ROBO2: variants seen among roughly 807,000 people sequenced by gnomAD.
ROBO2 encodes the protein roundabout homolog 2.
In ROBO2, 53 loss-of-function variants were observed where a neutral mutation model predicts 160.8. That is an observed-to-expected ratio of 0.33 (90% CI 0.26 to 0.41). ROBO2 has a LOEUF of 0.41. ROBO2 is among the 10% of genes least tolerant of loss of function. The pLI, the probability that ROBO2 is intolerant of heterozygous loss-of-function variation, is 1.00. For synonymous variants in ROBO2, 664 were observed against 611.7 expected (o/e 1.09, Z -1.26); for missense variants, 1,577 against 1,722.4 (o/e 0.92, Z 1.49).
chr3:77,556,430 T>G (rs189819381), intron 8 of ROBO2, among the ~76,000 whole-genome samples: 1 of 152,014 alleles, frequency 6.6e-6, no homozygotes, highest in African/African-American at 2.4e-5. Context: ...AAAATAGGTT[T>G]AGGTTGACTA....
chr3:76,943,745 C>G (rs1337171528), intron 2 of ROBO2, among the ~76,000 whole-genome samples: 1 of 151,942 alleles, frequency 6.6e-6, no homozygotes, highest in Non-Finnish European at 1.5e-5. Context: ...AGTTGTTTAA[C>G]CAAGGTTTAG....
chr3:76,163,347 T>TA (rs957048781), intron 2 of ROBO2, among the ~76,000 whole-genome samples: 1 of 151,748 alleles, frequency 6.6e-6, no homozygotes, highest in African/African-American at 2.4e-5. Context: ...GGAGATTTTC[T>TA]AATACTGAGA....
chr3:76,683,901 AAG>A (rs1198518625), intron 2 of ROBO2, among the ~76,000 whole-genome samples: 1 of 152,120 alleles, frequency 6.6e-6, no homozygotes, highest in African/African-American at 2.4e-5. Context: ...AAGTTTAAAA[AAG>A]AAATAAAAAG....
chr3:77,061,059 C>G (rs2066250844), intron 1 of ROBO2, among the ~76,000 whole-genome samples: 1 of 152,098 alleles, frequency 6.6e-6, no homozygotes, highest in African/African-American at 2.4e-5. Context: ...CCTCAGACTC[C>G]TGAGTAGCTG....
chr3:77,403,765 G>T (rs1030132822), intron 2 of ROBO2, among the ~76,000 whole-genome samples: 1 of 151,974 alleles, frequency 6.6e-6, no homozygotes, highest in Non-Finnish European at 1.5e-5. Flanking sequence ...TATATACCCA[G>T]TCATGGGATT....
intron 2 of ROBO2, among the ~76,000 whole-genome samples, chr3:77,123,908 T>C (rs1165906173): frequency 1.4e-5 from 2 of 140,906 alleles, no homozygotes; most frequent in Admixed American, 1.4e-4. Flanking sequence ...TCTATGTAGA[T>C]AGATATATAG....
At chr3:77,040,887 C>T (rs375462954) in intron 1 of ROBO2, 41 bp downstream of exon 1, 239 of 1,606,856 alleles carry the variant, frequency 1.5e-4, no homozygotes, top group Middle Eastern at 3.3e-4. Flanking sequence ...CGCCCCCCAC[C>T]CCCCAATCCC....
At chr3:76,008,232 CAAAAAAAAA>C (rs5850225) in intron 2 of ROBO2, among the ~76,000 whole-genome samples, 17 of 82,280 alleles carry the variant, frequency 2.1e-4, no homozygotes, top group South Asian at 1.9e-3. Flanking sequence ...AAGACTCTGT[CAAAAAAAAA>C]AAAAAAAAAA....
At chr3:76,008,547 A>G (rs1051964606) in intron 2 of ROBO2, among the ~76,000 whole-genome samples, 1 of 152,220 alleles carries the variant, frequency 6.6e-6, no homozygotes, top group Admixed American at 6.5e-5. Context: ...GATGGCAAAT[A>G]AAACAGGAAT....
At chr3:76,764,375 G>A (rs2061466677) in intron 2 of ROBO2, among the ~76,000 whole-genome samples, 1 of 151,648 alleles carries the variant, frequency 6.6e-6, no homozygotes, top group Non-Finnish European at 1.5e-5. Context: ...ACTGTATGCA[G>A]TTCTGACTAC....
intron 5 of ROBO2, among the ~76,000 whole-genome samples, chr3:77,500,679 C>T (rs1459341405): frequency 2.0e-5 from 3 of 152,158 alleles, no homozygotes; most frequent in Admixed American, 6.5e-5. Context: ...TTTTTACAAA[C>T]AGGATTAATT....
chr3:77,098,237 C>A, exon 2 of ROBO2: 2 of 1,614,160 alleles, frequency 1.2e-6, no homozygotes, highest in Non-Finnish European at 1.7e-6. Context: ...TCTTGCGCAT[C>A]GTGCACGGGC....
intron 2 of ROBO2, among the ~76,000 whole-genome samples, chr3:77,453,437 C>G (rs1445060400): frequency 2.0e-5 from 3 of 151,738 alleles, no homozygotes; most frequent in Non-Finnish European, 4.4e-5. Context: ...TTTAATTTCA[C>G]ATTCACTTAC....
At chr3:77,134,068 C>G (rs947836744) in intron 2 of ROBO2, among the ~76,000 whole-genome samples, 3 of 151,924 alleles carry the variant, frequency 2.0e-5, no homozygotes, top group African/African-American at 7.3e-5. Flanking sequence ...CCCAACTACT[C>G]GAGAGGCTGA....
chr3:76,999,544 T>A (rs1559824080), intron 2 of ROBO2, among the ~76,000 whole-genome samples: 1 of 152,150 alleles, frequency 6.6e-6, no homozygotes, highest in Non-Finnish European at 1.5e-5. Context: ...TTTAGAAATG[T>A]CAATCATGTT....
At chr3:77,321,477 A>T (rs2153431601) in intron 2 of ROBO2, among the ~76,000 whole-genome samples, 1 of 152,192 alleles carries the variant, frequency 6.6e-6, no homozygotes, top group South Asian at 2.1e-4. Context: ...TGATTATGCC[A>T]CTTCACTCTC....
At chr3:76,925,262 T>C (rs1439281764) in intron 2 of ROBO2, among the ~76,000 whole-genome samples, 1 of 142,752 alleles carries the variant, frequency 7.0e-6, no homozygotes, top group Non-Finnish European at 1.6e-5. Flanking sequence ...CTCAATAAAA[T>C]AAATATTTGT....
At chr3:77,383,958 T>C (rs2073831503) in intron 2 of ROBO2, among the ~76,000 whole-genome samples, 1 of 152,154 alleles carries the variant, frequency 6.6e-6, no homozygotes, top group South Asian at 2.1e-4. Flanking sequence ...TTAGAATACT[T>C]AACTAAATGA....
intron 2 of ROBO2, among the ~76,000 whole-genome samples, chr3:77,350,916 A>C (rs2068260895): frequency 6.6e-6 from 1 of 152,136 alleles, no homozygotes; most frequent in African/African-American, 2.4e-5. Flanking sequence ...CTAAACACAC[A>C]CTTGGTGGCT....
Sources: allele counts gnomAD v4.1 joint callset (sites outside exome capture counted in the v4.1 genomes callset), GRCh38; gene constraint gnomAD v4.1.1; transcripts MANE v1.5; gene names NCBI Gene and HGNC (gene_info 2026-07-23, HGNC 2026-07-21).